GRHL3: variants seen among roughly 807,000 people sequenced by gnomAD.
GRHL3 encodes the protein grainyhead-like protein 3 homolog.
Under a neutral mutation model 70.3 loss-of-function variants are expected in GRHL3, and 20 were observed. The observed-to-expected ratio is 0.28, with a 90% CI of 0.20 to 0.41. The LOEUF is 0.41. Among genes scored for constraint, GRHL3 ranks in the 10% least tolerant of loss-of-function variants. The pLI is 1.00. For missense variants in GRHL3, 637 were observed against 762.3 expected (o/e 0.84, Z 1.94); for synonymous variants, 299 against 299.9 (o/e 1.00, Z 0.03).
At chr1:24,320,483 G>A (rs1164339192) in intron 1 of GRHL3, among the ~76,000 whole-genome samples, 3 of 152,166 alleles carry the variant, frequency 2.0e-5, no homozygotes, top group Admixed American at 6.5e-5. Flanking sequence ...CTTTAGATTG[G>A]GTTCAGGGAG....
intron 1 of GRHL3, among the ~76,000 whole-genome samples, chr1:24,324,941 C>T (rs1165730257): frequency 6.6e-6 from 1 of 152,168 alleles, no homozygotes; most frequent in African/African-American, 2.4e-5. Context: ...ATTTCACAAT[C>T]TGTACACCCA....
rs762984019 is a variant in GRHL3 at position 24,336,452 on chromosome 1, G to A, written c.267-30G>A. 8 of 1,461,420 alleles carry A rather than the reference G, an allele frequency of 5.5e-6. No individual in the cohort carries two copies. The East Asian group carries it at 9.1e-5, about 17-fold the overall frequency. The allele number at this position is 1,461,420 out of a possible 1,614,324, so 90.5% of individuals were successfully genotyped here. On this transcript the variant is annotated intron_variant, in intron 3 of 15. Transcript: ENST00000361548. ...GACCCCCCTTTACCCCCAGAGAGAAGTACACTCAGCCCCTTTTCTTTCTCC... is the reference window on the plus strand; with the variant it reads ...GACCCCCCTTTACCCCCAGAGAGAAATACACTCAGCCCCTTTTCTTTCTCC...
intron 8 of GRHL3, among the ~76,000 whole-genome samples, chr1:24,341,364 G>A (rs1640030884): frequency 6.6e-6 from 1 of 152,208 alleles, no homozygotes; most frequent in Non-Finnish European, 1.5e-5. Context: ...GGCTCAGTGA[G>A]GTGAAAGGAT....
In GRHL3 at chr1:24,342,673, C is replaced by T. The variant is rs975359995; in HGVS notation, c.1207-21C>T. The T allele has an allele frequency of 1.2e-6, 2 of 1,611,872 alleles. No homozygotes were observed. Among genetic ancestry groups the T allele is most frequent in the Middle Eastern group, 1.7e-4 (1 of 6,060 alleles). Reference sequence around the variant, plus strand: ...AGCCCCTCCCAGGCCCTTGGTGACCCTCTCTCCTTCTCCCCTGCAGGGAGC... The same window carrying T: ...AGCCCCTCCCAGGCCCTTGGTGACCTTCTCTCCTTCTCCCCTGCAGGGAGC... On this transcript the variant is annotated intron_variant, in intron 9 of 15. Transcript: ENST00000361548. This position sits in a 1 kb window ranked among gnomAD's most constrained non-coding sequence, Gnocchi z 4.8.
chr1:24,357,882 C>A (rs1156978157), downstream of GRHL3: 7 of 317,740 alleles, frequency 2.2e-5, no homozygotes, highest in Middle Eastern at 5.1e-4. Flanking sequence ...AAGCGCAGCC[C>A]CCGGGCCCGG....
At chr1:24,359,579 G>A (rs78765305), downstream of GRHL3, among the ~76,000 whole-genome samples, 678 of 152,336 alleles carry the variant, frequency 4.5e-3, 5 homozygotes, top group South Asian at 7.7e-3. This position sits in a 1 kb window ranked among gnomAD's most constrained non-coding sequence, Gnocchi z 5.3. Context: ...TCACCTGTGA[G>A]TATGGAGCTG....
At position 24,338,062 on chromosome 1, in the gene GRHL3, A is replaced by G. The variant is rs753443097; in HGVS notation, c.911A>G (p.His304Arg). ...VEQLRFWKHW[H>R]SRQPTAKQRV... is the part of the protein sequence containing the mutation. ...CAGCTGCGCTTCTGGAAGCACTGGCATTCCCGGCAACCCACTGCCAAGCAG... is the reference window on the plus strand; with the variant it reads ...CAGCTGCGCTTCTGGAAGCACTGGCGTTCCCGGCAACCCACTGCCAAGCAG... The change falls in exon 7 of 16, where the codon CAT (histidine) becomes CGT (arginine). Residue 304 changes from histidine to arginine, a missense_variant. His to Arg is a conservative substitution (Grantham distance 29). This residue lies in a region of GRHL3 where 387 missense variants were observed against 513.8 expected (regional missense o/e 0.75). Coordinates refer to ENST00000361548, the MANE Select transcript of GRHL3 (RefSeq NM_198173.3). 8 of 1,613,084 alleles carry G rather than the reference A, an allele frequency of 5.0e-6. No individual in the cohort carries two copies. Among genetic ancestry groups the G allele is most frequent in the Non-Finnish European group, 4.2e-6 (5 of 1,179,632 alleles).
intron 1 of GRHL3, among the ~76,000 whole-genome samples, chr1:24,329,444 G>A (rs1639519115): frequency 6.6e-6 from 1 of 152,234 alleles, no homozygotes; most frequent in South Asian, 2.1e-4. Flanking sequence ...TTTTTCTGCT[G>A]TGATAAAGAC....
intron 12 of GRHL3, among the ~76,000 whole-genome samples, chr1:24,346,246 T>C (rs577258900): frequency 1.3e-5 from 2 of 152,284 alleles, no homozygotes; most frequent in Middle Eastern, 6.8e-3. Context: ...GAGCATGGTC[T>C]CCTGTGGCCT....
chr1:24,324,464 C>T (rs953017343), intron 1 of GRHL3, among the ~76,000 whole-genome samples: 1 of 152,108 alleles, frequency 6.6e-6, no homozygotes, highest in Non-Finnish European at 1.5e-5. Flanking sequence ...TGGGGACTAC[C>T]CCACAAAGTA....
At chr1:24,327,329 A>G (rs1395858871) in intron 1 of GRHL3, among the ~76,000 whole-genome samples, 1 of 152,220 alleles carries the variant, frequency 6.6e-6, no homozygotes, top group East Asian at 1.9e-4. Context: ...TGTAAGTTCC[A>G]TGGAAGCAGA....
intron 15 of GRHL3, among the ~76,000 whole-genome samples, chr1:24,353,183 C>T (rs1212298508): frequency 6.6e-6 from 1 of 152,148 alleles, no homozygotes; most frequent in Non-Finnish European, 1.5e-5. Context: ...TTTCTTTGAA[C>T]CTCAGCTTCC....
rs1177940797 is a variant in GRHL3 at position 24,346,547 on chromosome 1, C to G, written c.1455-6C>G. On this transcript the variant is annotated splice_polypyrimidine_tract_variant and splice_region_variant and intron_variant, in intron 12 of 15. Coordinates refer to ENST00000361548, the MANE Select transcript of GRHL3 (RefSeq NM_198173.3). Reference sequence around the variant, plus strand: ...CTCACAAGCTCCCCCACTGCCATCCCCACAGGCTGCCTCTGAAGCGTACCT... The same window carrying G: ...CTCACAAGCTCCCCCACTGCCATCCGCACAGGCTGCCTCTGAAGCGTACCT... 6.2e-7 allele frequency: 1 copy of G among 1,608,726 alleles called. No homozygotes were observed. The highest frequency in any genetic ancestry group is 8.5e-7 in the Non-Finnish European group (1 of 1,175,984).
At chr1:24,347,897 G>A (rs571532677) in intron 14 of GRHL3, among the ~76,000 whole-genome samples, 75 of 152,238 alleles carry the variant, frequency 4.9e-4, no homozygotes, top group African/African-American at 1.7e-3. Flanking sequence ...CCCCAGAGAC[G>A]CTCTCTTTTT....
In GRHL3 at chr1:24,363,595, A is replaced by G. The variant is rs1028621197; in HGVS notation, c.1695-590A>G. On this transcript the variant is annotated intron_variant, in intron 15 of 15. Coordinates refer to the GRHL3 transcript ENST00000350501. ...TCATCTGTAAAACAGTGGAAATAAT[A>G]CCTACTACCCAGATTGTTAGGAAGA... 3.9e-5 allele frequency among the ~76,000 whole-genome samples: 6 copies of G among 152,300 alleles called. No homozygotes were observed. The East Asian group carries it at 1.2e-3, about 29-fold the overall frequency.
chr1:24,357,889 C>A, downstream of GRHL3: 1 of 320,126 alleles, frequency 3.1e-6, no homozygotes, highest in Middle Eastern at 5.5e-4. Flanking sequence ...GCCCCCGGGC[C>A]CGGCCACTGC....
chr1:24,353,155 C>T lies in GRHL3; in HGVS notation c.1695-1219C>T, dbSNP rs557820366. Among the ~76,000 whole-genome samples the T allele has an allele frequency of 2.9e-3, 443 of 152,288 alleles. 1 individual carries two copies. Among genetic ancestry groups the T allele is most frequent in the Non-Finnish European group, 4.9e-3 (331 of 68,028 alleles). On this transcript the variant is annotated intron_variant, in intron 15 of 15. Transcript: ENST00000361548. ...CCCTGCCATCTATGAACTGTGTGACCTTAGACAAATAACTTTGTTTCTTTG... is the reference window on the plus strand; with the variant it reads ...CCCTGCCATCTATGAACTGTGTGACTTTAGACAAATAACTTTGTTTCTTTG...
chr1:24,329,515 C>A (rs536194537), intron 1 of GRHL3, among the ~76,000 whole-genome samples: 3 of 152,162 alleles, frequency 2.0e-5, no homozygotes, highest in Non-Finnish European at 2.9e-5. Flanking sequence ...CCTTTGTGCT[C>A]GATAAGGCTG....
chr1:24,338,714 A>G (rs574805039), intron 7 of GRHL3, among the ~76,000 whole-genome samples: 23 of 152,364 alleles, frequency 1.5e-4, no homozygotes, highest in Admixed American at 4.6e-4. Flanking sequence ...GGGGAACATG[A>G]TACACACGGG....
Sources: gnomAD v4.1 joint callset for allele counts (sites outside exome capture counted in the v4.1 genomes callset) on GRCh38, gnomAD v4.1.1 for gene constraint, gnomAD v4.1.1 regional missense constraint, Gnocchi (gnomAD v3.1) non-coding constraint, MANE v1.5 for transcripts, NCBI Gene and HGNC (gene_info 2026-07-23, HGNC 2026-07-21) for gene names.